CCDC169: variants seen among roughly 807,000 people sequenced by gnomAD.
The protein encoded by CCDC169 is coiled-coil domain containing 169.
A neutral mutation model predicts 36.0 loss-of-function variants in CCDC169; 30 were observed. The observed-to-expected ratio is 0.83, with a 90% CI of 0.62 to 1.13. CCDC169 has a LOEUF of 1.13. Among genes scored for constraint, CCDC169 ranks in the 50% most tolerant of loss-of-function variants. CCDC169 has a pLI of 0.00. For synonymous variants in CCDC169, 85 were observed against 81.5 expected, an observed-to-expected ratio of 1.04 and a Z score of -0.23; for missense variants, 245 against 245.9, an observed-to-expected ratio of 1.00 and a Z score of 0.03.
intron 2 of CCDC169, among the ~76,000 whole-genome samples, chr13:36,287,802 G>T (rs919007300): frequency 1.3e-5 from 2 of 152,038 alleles, no homozygotes; most frequent in Admixed American, 1.3e-4. Context: ...TTGACATAAA[G>T]GTTCTAAGAC....
intron 7 of CCDC169, among the ~76,000 whole-genome samples, chr13:36,241,189 G>A (rs1359787439): frequency 6.6e-6 from 1 of 152,044 alleles, no homozygotes; most frequent in African/African-American, 2.4e-5. Flanking sequence ...GGAAAAATGG[G>A]TAAGTCAATA....
chr13:36,252,059 C>T (rs1194454900), intron 6 of CCDC169, among the ~76,000 whole-genome samples: 1 of 152,186 alleles, frequency 6.6e-6, no homozygotes, highest in African/African-American at 2.4e-5. Flanking sequence ...GATTCAAATT[C>T]AGATTTGCAA....
exon 7 of CCDC169, chr13:36,222,112 G>A (rs575727280): frequency 6.6e-6 from 1 of 152,254 alleles, no homozygotes; most frequent in Admixed American, 6.5e-5. Context: ...TTCTTACTGT[G>A]AAGAAACAGA....
chr13:36,279,102 TA>T (rs34627522), intron 4 of CCDC169, among the ~76,000 whole-genome samples: 5 of 149,294 alleles, frequency 3.3e-5, no homozygotes, highest in Admixed American at 6.7e-5. Context: ...CTGCCCAAGC[TA>T]AAAAAAAACC....
At chr13:36,277,859 C>G (rs1486939007) in intron 4 of CCDC169, among the ~76,000 whole-genome samples, 1 of 151,548 alleles carries the variant, frequency 6.6e-6, no homozygotes, top group Admixed American at 6.6e-5. Flanking sequence ...GCAGGAGAAT[C>G]GCTTGAACCC....
At chr13:36,295,666 C>T in intron 2 of CCDC169, 112 bp downstream of exon 2, 1 of 525,814 alleles carries the variant, frequency 1.9e-6, no homozygotes, top group Non-Finnish European at 3.3e-6. Flanking sequence ...AAAAGCAATA[C>T]TGAAATGTTG....
chr13:36,280,518 A>G (rs1877373249), intron 4 of CCDC169: 1 of 152,204 alleles, frequency 6.6e-6, no homozygotes, highest in African/African-American at 2.4e-5. Flanking sequence ...CATATGAAAT[A>G]ATTGACTTAA....
chr13:36,247,318 C>T (rs1872630118), intron 7 of CCDC169, among the ~76,000 whole-genome samples: 2 of 152,034 alleles, frequency 1.3e-5, no homozygotes, highest in Admixed American at 1.3e-4. Flanking sequence ...ATTCTGCTGC[C>T]CATGGATCAA....
downstream of CCDC169, among the ~76,000 whole-genome samples, chr13:36,228,614 C>G (rs1870098028): frequency 6.6e-6 from 1 of 152,230 alleles, no homozygotes; most frequent in South Asian, 2.1e-4. Context: ...CGCTGGAGTG[C>G]AGTGGCTCAT....
intron 7 of CCDC169, among the ~76,000 whole-genome samples, chr13:36,241,045 A>G (rs1871761006): frequency 6.6e-6 from 1 of 152,146 alleles, no homozygotes; most frequent in African/African-American, 2.4e-5. Flanking sequence ...CTAATATTAA[A>G]TCTACATAGT....
At chr13:36,271,714 A>G (rs1257956356) in intron 4 of CCDC169, among the ~76,000 whole-genome samples, 1 of 152,188 alleles carries the variant, frequency 6.6e-6, no homozygotes, top group South Asian at 2.1e-4. Context: ...CTGAGTATGC[A>G]GAAGCATACA....
intron 4 of CCDC169, among the ~76,000 whole-genome samples, chr13:36,269,346 T>C (rs1202357467): frequency 3.3e-5 from 5 of 152,112 alleles, no homozygotes; most frequent in Non-Finnish European, 7.4e-5. Flanking sequence ...CTACCAGGCA[T>C]TCAAAGAATT....
At chr13:36,227,279 G>A (rs1375954363), downstream of CCDC169, 7 of 1,551,420 alleles carry the variant, frequency 4.5e-6, no homozygotes, top group East Asian at 9.8e-5. Flanking sequence ...CTTTTTGTCC[G>A]AGGCATGTCC....
chr13:36,237,145 A>G (rs755001754), intron 7 of CCDC169, among the ~76,000 whole-genome samples: 1 of 151,936 alleles, frequency 6.6e-6, no homozygotes, highest in Middle Eastern at 3.2e-3. Flanking sequence ...GAATTTGTGG[A>G]TATGGAAGGC....
intron 7 of CCDC169, among the ~76,000 whole-genome samples, chr13:36,241,856 T>A (rs1447206125): frequency 6.6e-6 from 1 of 152,180 alleles, no homozygotes; most frequent in Non-Finnish European, 1.5e-5. Flanking sequence ...TGAATTGTAA[T>A]CCCTGGTGCT....
intron 2 of CCDC169, 72 bp downstream of exon 2, chr13:36,295,706 G>T (rs9566063): frequency 4.0e-6 from 3 of 750,178 alleles, no homozygotes; most frequent in Non-Finnish European, 6.5e-6. Context: ...GGAATTTAAT[G>T]CACCATAGAT....
intron 7 of CCDC169, among the ~76,000 whole-genome samples, chr13:36,245,789 C>T (rs1872440316): frequency 6.6e-6 from 1 of 152,182 alleles, no homozygotes; most frequent in African/African-American, 2.4e-5. Context: ...TTCAAAGATA[C>T]TGCATTTTTT....
In CCDC169 at chr13:36,248,261, G is replaced by A. The variant is rs147859974; in HGVS notation, c.545+345C>T. Among the ~76,000 whole-genome samples, 990 of 152,164 alleles carry A rather than the reference G, an allele frequency of 6.5e-3. 14 individuals are homozygous for A. Among genetic ancestry groups the A allele is most frequent in the African/African-American group, 0.023 (946 of 41,504 alleles). The stretch of plus-strand genomic sequence containing the variant: ...ATCGTGATACTTGCTTCATTACAGT[G>A]ATCCGGAACCAAACCCATAATATCT... On this transcript the variant is annotated intron_variant, in intron 7 of 7. Transcript: ENST00000239859.
chr13:36,285,803 G>C (rs1237791000), intron 2 of CCDC169, among the ~76,000 whole-genome samples: 1 of 152,100 alleles, frequency 6.6e-6, no homozygotes, highest in Non-Finnish European at 1.5e-5. Context: ...ACCCAAGATA[G>C]ACACCAAAAC....
Sources: allele counts gnomAD v4.1 joint callset (sites outside exome capture counted in the v4.1 genomes callset), GRCh38; gene constraint gnomAD v4.1.1; transcripts MANE v1.5; gene names NCBI Gene and HGNC (gene_info 2026-07-23, HGNC 2026-07-21).